DRC11: variants seen among roughly 807,000 people sequenced by gnomAD.
DRC11 encodes dynein regulatory complex subunit 11.
At chr2:236,357,792 ATATACT>A in the DRC11 span, among the ~76,000 whole-genome samples, 1 of 126,664 alleles carries the variant, frequency 7.9e-6, no homozygotes, top group African/African-American at 3.1e-5. Context: ...TTATATATAC[ATATACT>A]ATATAAATAT....
At chr2:236,495,157 A>G in the DRC11 span, among the ~76,000 whole-genome samples, 1 of 152,152 alleles carries the variant, frequency 6.6e-6, no homozygotes. The surrounding 1 kb of genome is among the most constrained non-coding windows in gnomAD (Gnocchi z 5.6). Flanking sequence ...AGCCTGGTCA[A>G]CATGGTGAAA....
At chr2:236,410,068 C>A in the DRC11 span, among the ~76,000 whole-genome samples, 1 of 151,852 alleles carries the variant, frequency 6.6e-6, no homozygotes, top group Admixed American at 6.6e-5. Context: ...GTCTAAAATT[C>A]TCTTTTTTGG....
the DRC11 span, among the ~76,000 whole-genome samples, chr2:236,470,591 A>G: frequency 6.6e-6 from 1 of 152,260 alleles, no homozygotes; most frequent in East Asian, 1.9e-4. The surrounding 1 kb of genome is among the most constrained non-coding windows in gnomAD (Gnocchi z 5.1). Flanking sequence ...GCGAAGAGGG[A>G]GGTGTTCTTT....
At chr2:236,451,861 T>C in the DRC11 span, among the ~76,000 whole-genome samples, 1 of 152,176 alleles carries the variant, frequency 6.6e-6, no homozygotes, top group African/African-American at 2.4e-5. Flanking sequence ...AGTGGGAACT[T>C]GGTTAGTTTT....
the DRC11 span, among the ~76,000 whole-genome samples, chr2:236,498,478 A>AGTGAG: frequency 9.5e-6 from 1 of 104,730 alleles, no homozygotes; most frequent in African/African-American, 9.6e-5. Context: ...AAAAAAAAAG[A>AGTGAG]GTGAGGTGAG....
chr2:236,480,171 A>G, the DRC11 span, among the ~76,000 whole-genome samples: 9 of 151,762 alleles, frequency 5.9e-5, no homozygotes, highest in African/African-American at 1.9e-4. Context: ...TTAGAATCCC[A>G]TTGCTGTCCT....
At chr2:236,507,151 G>A in the DRC11 span, 18,656 of 1,140,664 alleles carry the variant, frequency 0.016, 558 homozygotes, top group East Asian at 0.13. Flanking sequence ...AGTTGAGAGG[G>A]GAGGAGAAAA....
chr2:236,432,036 A>G, the DRC11 span, among the ~76,000 whole-genome samples: 2 of 152,332 alleles, frequency 1.3e-5, no homozygotes, highest in Non-Finnish European at 2.9e-5. Flanking sequence ...GCAACATTTT[A>G]CATTCCCACT....
chr2:236,365,935 T>C, the DRC11 span, among the ~76,000 whole-genome samples: 321 of 152,254 alleles, frequency 2.1e-3, 2 homozygotes, highest in South Asian at 5.6e-3. The surrounding 1 kb of genome is among the most constrained non-coding windows in gnomAD (Gnocchi z 7.4). Flanking sequence ...AATTAAGAGA[T>C]AACAAGGAGG....
chr2:236,347,507 G>GATATATATATATATATAT, the DRC11 span, among the ~76,000 whole-genome samples: 1 of 93,172 alleles, frequency 1.1e-5, no homozygotes, highest in Non-Finnish European at 2.6e-5. Context: ...AAAAAACTGT[G>GATATATATATATATATAT]CTATATATAT....
the DRC11 span, among the ~76,000 whole-genome samples, chr2:236,453,822 G>A: frequency 6.6e-6 from 1 of 152,084 alleles, no homozygotes; most frequent in East Asian, 1.9e-4. The surrounding 1 kb of genome is among the most constrained non-coding windows in gnomAD (Gnocchi z 4.9). Context: ...TGTATTTTTA[G>A]TAGAGACGGG....
the DRC11 span, chr2:236,413,014 T>G: frequency 6.6e-6 from 1 of 152,212 alleles, no homozygotes; most frequent in Admixed American, 6.5e-5. This position sits in a 1 kb window ranked among gnomAD's most constrained non-coding sequence, Gnocchi z 4.0. Flanking sequence ...AGACTTGGGC[T>G]GTGAGCGTAG....
At chr2:236,471,506 G>T in the DRC11 span, among the ~76,000 whole-genome samples, 1 of 150,130 alleles carries the variant, frequency 6.7e-6, no homozygotes, top group African/African-American at 2.5e-5. This position sits in a 1 kb window ranked among gnomAD's most constrained non-coding sequence, Gnocchi z 4.6. Flanking sequence ...GGCAATTTAA[G>T]AAGGACTTTT....
At chr2:236,472,890 C>G in the DRC11 span, among the ~76,000 whole-genome samples, 5 of 152,190 alleles carry the variant, frequency 3.3e-5, no homozygotes, top group Non-Finnish European at 1.5e-5. The surrounding 1 kb of genome is among the most constrained non-coding windows in gnomAD (Gnocchi z 4.6). Flanking sequence ...AATCCCATGC[C>G]TGGTTCTCCC....
At chr2:236,372,380 G>C in the DRC11 span, among the ~76,000 whole-genome samples, 1 of 152,096 alleles carries the variant, frequency 6.6e-6, no homozygotes, top group Non-Finnish European at 1.5e-5. This position sits in a 1 kb window ranked among gnomAD's most constrained non-coding sequence, Gnocchi z 4.5. Context: ...GATTTTTTCT[G>C]AAATAGACAA....
chr2:236,394,457 C>G, the DRC11 span, among the ~76,000 whole-genome samples: 1 of 152,048 alleles, frequency 6.6e-6, no homozygotes, highest in Non-Finnish European at 1.5e-5. The surrounding 1 kb of genome is among the most constrained non-coding windows in gnomAD (Gnocchi z 7.0). Context: ...ATGATGAAAC[C>G]CTGTCTCTAT....
At chr2:236,464,222 G>T in the DRC11 span, among the ~76,000 whole-genome samples, 1 of 152,232 alleles carries the variant, frequency 6.6e-6, no homozygotes, top group African/African-American at 2.4e-5. Context: ...GAGGCTGCCT[G>T]CCACAGATAT....
chr2:236,352,185 G>T, the DRC11 span, among the ~76,000 whole-genome samples: 1 of 152,036 alleles, frequency 6.6e-6, no homozygotes, highest in Non-Finnish European at 1.5e-5. The surrounding 1 kb of genome is among the most constrained non-coding windows in gnomAD (Gnocchi z 7.0). Context: ...AAGCCAGGGG[G>T]CCAATGAGCA....
chr2:236,468,748 C>G, the DRC11 span, among the ~76,000 whole-genome samples: 16 of 152,154 alleles, frequency 1.1e-4, no homozygotes, highest in Non-Finnish European at 2.1e-4. Flanking sequence ...TTAGTTTTCA[C>G]GGAGATGTTA....
Sources: allele counts gnomAD v4.1 joint callset (sites outside exome capture counted in the v4.1 genomes callset), GRCh38; gene constraint gnomAD v4.1.1; non-coding constraint Gnocchi (gnomAD v3.1); transcripts MANE v1.5; gene names NCBI Gene and HGNC (gene_info 2026-07-23, HGNC 2026-07-21).